The following IL1RAP variants were observed in gnomAD, a reference collection of about 807,000 sequenced individuals.
The protein encoded by IL1RAP is interleukin 1 receptor accessory protein, also known as interleukin-1 receptor accessory protein.
Under a neutral mutation model 60.7 loss-of-function variants are expected in IL1RAP, and 35 were observed. That is an observed-to-expected ratio of 0.58 (90% confidence interval 0.44 to 0.76). The LOEUF is 0.76. Among genes scored for constraint, IL1RAP ranks in the 30% least tolerant of loss-of-function variants. The pLI, the probability that IL1RAP is intolerant of heterozygous loss-of-function variation, is 0.00. For synonymous variants in IL1RAP, 268 were observed against 250.9 expected (o/e 1.07, Z -0.64); for missense variants, 572 against 693.9 (o/e 0.82, Z 1.97).
chr3:190,652,513 A>T (rs555950818), downstream of IL1RAP, among the ~76,000 whole-genome samples: 2 of 152,298 alleles, frequency 1.3e-5, no homozygotes, highest in East Asian at 3.9e-4. Context: ...CATGCTCAGA[A>T]TTGGTTAGCT....
At chr3:190,600,271 C>T (rs1260207087) in intron 3 of IL1RAP, among the ~76,000 whole-genome samples, 1 of 152,202 alleles carries the variant, frequency 6.6e-6, no homozygotes, top group African/African-American at 2.4e-5. Flanking sequence ...ACGGAAGATT[C>T]TTTCCTTCTC....
chr3:190,637,675 A>C (rs764241923), intron 9 of IL1RAP, among the ~76,000 whole-genome samples: 1 of 152,120 alleles, frequency 6.6e-6, no homozygotes, highest in Non-Finnish European at 1.5e-5. Flanking sequence ...ATTTTTGAGA[A>C]ATGCATATAT....
At chr3:190,606,855 T>A (rs1171435444) in intron 4 of IL1RAP, among the ~76,000 whole-genome samples, 3 of 152,202 alleles carry the variant, frequency 2.0e-5, no homozygotes, top group African/African-American at 7.2e-5. Flanking sequence ...AAAGTTAGTT[T>A]CGTCTTTCAG....
At chr3:190,639,334 C>T (rs1277360022) in intron 9 of IL1RAP, among the ~76,000 whole-genome samples, 1 of 152,130 alleles carries the variant, frequency 6.6e-6, no homozygotes, top group African/African-American at 2.4e-5. Context: ...CTTCCTTTTT[C>T]ATCCTTTTCC....
chr3:190,609,162 C>T lies in IL1RAP; in HGVS notation c.518C>T (p.Pro173Leu), dbSNP rs769034745. ...GGATATTTTCCTTCCAGTGTCAAAC[C>T]GACTATCACTTGGTATATGGTAAGG... The part of the protein sequence containing the change: ...VDGYFPSSVK[P>L]TITWYMGCYK... The change falls in exon 5 of 12, where the codon CCG becomes CTG. Residue 173 changes from proline to leucine, a missense_variant. Physicochemically the swap from Pro to Leu is moderately conservative, Grantham distance 98 (BLOSUM62 -3). Coordinates refer to ENST00000447382, the MANE Select transcript of IL1RAP (RefSeq NM_002182.4). 6.8e-6 allele frequency: 11 copies of T among 1,609,026 alleles called. No individual in the cohort carries two copies. The highest frequency in any genetic ancestry group is 1.1e-5 in the South Asian group (1 of 90,522).
chr3:190,590,663 A>T (rs1157722162), intron 3 of IL1RAP, among the ~76,000 whole-genome samples: 1 of 152,182 alleles, frequency 6.6e-6, no homozygotes, highest in African/African-American at 2.4e-5. Context: ...TAAAATGGGA[A>T]GGGTGAAAAT....
chr3:190,644,136 C>A, intron 9 of IL1RAP, 112 bp from the exon 10 acceptor site: 1 of 1,462,956 alleles, frequency 6.8e-7, no homozygotes, highest in Non-Finnish European at 9.0e-7. Flanking sequence ...ATTGTTCATA[C>A]ATAGGCAGGT....
intron 3 of IL1RAP, among the ~76,000 whole-genome samples, chr3:190,581,307 T>C (rs1577651829): frequency 6.6e-6 from 1 of 152,182 alleles, no homozygotes; most frequent in Admixed American, 6.5e-5. Flanking sequence ...CACAGAGCTG[T>C]TTTGGAGATC....
At chr3:190,547,152 T>C (rs1400771662) in intron 1 of IL1RAP, among the ~76,000 whole-genome samples, 1 of 152,236 alleles carries the variant, frequency 6.6e-6, no homozygotes, top group Non-Finnish European at 1.5e-5. Flanking sequence ...TAGTGGTTTA[T>C]GGATCAGTAG....
At position 190,649,322 on chromosome 3, in the gene IL1RAP, C is replaced by G; in HGVS notation, c.*617C>G. 1.0e-6 allele frequency: 1 copy of G among 984,784 alleles called. No homozygotes were observed. The highest frequency in any genetic ancestry group is 1.2e-6 in the Non-Finnish European group (1 of 828,954). The allele number at this position is 984,784 out of a possible 1,614,324, so 61.0% of individuals were successfully genotyped here. ...TCTTCTATACCACCCTTGTCCTCAT[C>G]TCAGGTAATTTATGAAATCTATGTA... On this transcript the variant is annotated 3_prime_UTR_variant, in exon 12 of 12. Coordinates refer to ENST00000447382, the MANE Select transcript of IL1RAP (RefSeq NM_002182.4).
chr3:190,548,326 T>A (rs1724564717), intron 1 of IL1RAP, among the ~76,000 whole-genome samples: 1 of 152,214 alleles, frequency 6.6e-6, no homozygotes. Context: ...ATTTCACCAT[T>A]TATTAAGCTT....
At chr3:190,539,887 TATTAAG>T (rs1449902363) in intron 1 of IL1RAP, among the ~76,000 whole-genome samples, 2 of 152,038 alleles carry the variant, frequency 1.3e-5, no homozygotes, top group Non-Finnish European at 2.9e-5. Context: ...TCTTTTAGAT[TATTAAG>T]ATTAAGACAT....
In IL1RAP at chr3:190,645,814, CT is replaced by C; in HGVS notation, c.1320del (p.Phe440LeufsTer16). 1 of 1,613,612 alleles carries C rather than the reference CT, an allele frequency of 6.2e-7. No individual in the cohort carries two copies. Among genetic ancestry groups the C allele is most frequent in the Non-Finnish European group, 8.5e-7 (1 of 1,179,682 alleles). ...ATGAATTTGGATACAAGCTGTGCAT[CT>C]TTGACCGAGACAGTCTGCCTGGGGG... ...ENEFGYKLCI[F>X]DRDSLPGGIV... is the part of the protein sequence containing the mutation. On this transcript the variant is annotated frameshift_variant, in exon 11 of 12. Coordinates refer to ENST00000447382, the MANE Select transcript of IL1RAP (RefSeq NM_002182.4). LOFTEE classifies it high-confidence loss of function.
chr3:190,596,225 C>A (rs974212554), intron 3 of IL1RAP, among the ~76,000 whole-genome samples: 2 of 152,182 alleles, frequency 1.3e-5, no homozygotes, highest in Non-Finnish European at 2.9e-5. Context: ...TAGTGCTTTG[C>A]GCATAGCAGG....
chr3:190,623,217 T>C (rs1339719001), intron 6 of IL1RAP, 127 bp from the exon 7 acceptor site: 1 of 702,552 alleles, frequency 1.4e-6, no homozygotes. Flanking sequence ...TATCTTGGAC[T>C]ATAGGCCTTC....
intron 7 of IL1RAP, chr3:190,624,964 G>T: frequency 5.7e-6 from 1 of 175,308 alleles, no homozygotes. Flanking sequence ...ATGTTTCCGA[G>T]GGTGCTCCCT....
At chr3:190,543,544 A>G (rs1053755633) in intron 1 of IL1RAP, among the ~76,000 whole-genome samples, 15 of 152,210 alleles carry the variant, frequency 9.9e-5, no homozygotes, top group Non-Finnish European at 2.1e-4. Flanking sequence ...AAGAAGGTAG[A>G]AATTACATCT....
In IL1RAP at chr3:190,526,804, T is replaced by G. The variant is rs73886464; in HGVS notation, c.-89+12585T>G. ...GTACCAGGCAGTTTTTTAGTTGTGC[T>G]TGTTTTATTAACTTTCTTTTAAAAA... On this transcript the variant is annotated intron_variant, in intron 1 of 11. Coordinates refer to ENST00000447382, the MANE Select transcript of IL1RAP (RefSeq NM_002182.4). Among the ~76,000 whole-genome samples the G allele has an allele frequency of 7.2e-5, 11 of 152,360 alleles. No individual in the cohort carries two copies. The East Asian group carries it at 1.3e-3, about 19-fold the overall frequency.
intron 9 of IL1RAP, among the ~76,000 whole-genome samples, chr3:190,638,471 T>C (rs1479339711): frequency 6.6e-6 from 1 of 152,220 alleles, no homozygotes; most frequent in Non-Finnish European, 1.5e-5. Context: ...TATTTTATTA[T>C]TGAATCTTAG....
Sources: gnomAD v4.1 joint callset for allele counts (sites outside exome capture counted in the v4.1 genomes callset) on GRCh38, gnomAD v4.1.1 for gene constraint, MANE v1.5 for transcripts, NCBI Gene and HGNC (gene_info 2026-07-23, HGNC 2026-07-21) for gene names.